Variants in KCNIP1 observed in about 807,000 individuals in gnomAD.
KCNIP1 encodes A-type potassium channel modulatory protein KCNIP1.
A neutral mutation model predicts 33.0 loss-of-function variants in KCNIP1; 18 were observed. The ratio of observed to expected loss-of-function variants is 0.55; its 90% CI spans 0.38 to 0.81. KCNIP1 has a LOEUF of 0.81. KCNIP1 is among the 30% of genes least tolerant of loss of function. KCNIP1 has a pLI of 0.00. For missense variants in KCNIP1, 238 were observed against 271.6 expected (o/e 0.88, Z 0.87); for synonymous variants, 93 against 98.3 (o/e 0.95, Z 0.32).
chr5:170,451,747 G>GTGTGTGTGTGTA (rs1756258187), intron 1 of KCNIP1, among the ~76,000 whole-genome samples: 1 of 151,126 alleles, frequency 6.6e-6, no homozygotes, highest in Non-Finnish European at 1.5e-5. Context: ...GTGTGTGTGT[G>GTGTGTGTGTGTA]TGTGTGTGTG....
At chr5:170,445,633 T>C (rs900927010) in intron 1 of KCNIP1, among the ~76,000 whole-genome samples, 19 of 152,206 alleles carry the variant, frequency 1.2e-4, no homozygotes, top group African/African-American at 4.6e-4. Flanking sequence ...GATGTGAACC[T>C]GAATGCTCGC....
chr5:170,574,054 G>A (rs560943316), intron 1 of KCNIP1, among the ~76,000 whole-genome samples: 1 of 152,326 alleles, frequency 6.6e-6, no homozygotes, highest in African/African-American at 2.4e-5. Flanking sequence ...GCACCAAATA[G>A]CTGGGTTTTT....
chr5:170,499,607 C>T (rs1444858648), upstream of KCNIP1, among the ~76,000 whole-genome samples: 1 of 152,176 alleles, frequency 6.6e-6, no homozygotes, highest in Non-Finnish European at 1.5e-5. Flanking sequence ...CTCTATGCTA[C>T]CTCTGTGCCT....
intron 1 of KCNIP1, among the ~76,000 whole-genome samples, chr5:170,536,882 G>A (rs1387900975): frequency 6.6e-6 from 1 of 152,218 alleles, no homozygotes; most frequent in Non-Finnish European, 1.5e-5. Flanking sequence ...CAGGATGGAA[G>A]CATGCATCTC....
At chr5:170,538,579 A>G (rs185775532) in intron 1 of KCNIP1, among the ~76,000 whole-genome samples, 23 of 151,544 alleles carry the variant, frequency 1.5e-4, no homozygotes, top group African/African-American at 4.8e-4. Flanking sequence ...CCCCACCTCC[A>G]TTCTTACCCA....
chr5:170,366,289 G>A (rs1763657744), intron 1 of KCNIP1, among the ~76,000 whole-genome samples: 1 of 152,196 alleles, frequency 6.6e-6, no homozygotes, highest in Non-Finnish European at 1.5e-5. Context: ...TTTGTATAGA[G>A]TCCACCGGGG....
At chr5:170,615,194 G>A (rs539623323) in intron 1 of KCNIP1, among the ~76,000 whole-genome samples, 78 of 152,232 alleles carry the variant, frequency 5.1e-4, no homozygotes, top group African/African-American at 1.6e-3. Flanking sequence ...CAGCCTGGGC[G>A]ACAGAGTGGG....
intron 1 of KCNIP1, among the ~76,000 whole-genome samples, chr5:170,398,074 G>C (rs1461823182): frequency 6.6e-6 from 1 of 152,174 alleles, no homozygotes; most frequent in Non-Finnish European, 1.5e-5. Flanking sequence ...TTTCTTATCA[G>C]ACTTAAGGTT....
chr5:170,504,283 C>T lies in KCNIP1; in HGVS notation c.-290C>T, dbSNP rs1165507544. ...CAGTGCCAGGCAGGCTTCAGGGCAC[C>T]GTCCTCGGCCCTGGGCGAGGGAACC... On this transcript the variant is annotated 5_prime_UTR_variant, in exon 1 of 8. Transcript: ENST00000328939. The surrounding 1 kb of genome is among the most constrained non-coding windows in gnomAD (Gnocchi z 6.0). The T allele has an allele frequency of 1.6e-6, 2 of 1,256,980 alleles. No homozygotes were observed. Among genetic ancestry groups the T allele is most frequent in the Admixed American group, 4.3e-5 (1 of 23,488 alleles). The allele number at this position is 1,256,980 out of a possible 1,614,324, so 77.9% of individuals were successfully genotyped here.
At chr5:170,371,034 AAC>A (rs1763829025) in intron 1 of KCNIP1, among the ~76,000 whole-genome samples, 2 of 152,318 alleles carry the variant, frequency 1.3e-5, no homozygotes, top group Middle Eastern at 6.8e-3. Context: ...ATGGTTTGGG[AAC>A]ACTTGTGAAA....
chr5:170,407,176 C>G (rs142509505), intron 1 of KCNIP1, among the ~76,000 whole-genome samples: 37 of 152,320 alleles, frequency 2.4e-4, no homozygotes, highest in South Asian at 1.2e-3. Context: ...TAACCATAGA[C>G]GAGTTAAGAG....
chr5:170,503,147 T>G (rs111789609), upstream of KCNIP1, among the ~76,000 whole-genome samples: 1,722 of 152,036 alleles, frequency 0.011, 25 homozygotes, highest in African/African-American at 0.039. Flanking sequence ...CTCAGCACTT[T>G]GGGAGGCCAA....
chr5:170,428,189 T>A (rs80021520), intron 1 of KCNIP1, among the ~76,000 whole-genome samples: 1,596 of 151,960 alleles, frequency 0.011, 31 homozygotes, highest in African/African-American at 0.036. Flanking sequence ...AATAAGGAGG[T>A]AAACTGGAAA....
intron 1 of KCNIP1, among the ~76,000 whole-genome samples, chr5:170,482,271 G>A (rs367789281): frequency 3.3e-5 from 5 of 152,090 alleles, no homozygotes; most frequent in East Asian, 3.8e-4. Flanking sequence ...CCCCAGCAGT[G>A]CCCATCTACC....
intron 1 of KCNIP1, among the ~76,000 whole-genome samples, chr5:170,689,118 T>C (rs1406005752): frequency 2.6e-5 from 4 of 152,146 alleles, no homozygotes; most frequent in Non-Finnish European, 2.9e-5. Context: ...TCCAGGAGAA[T>C]TAACACAGGA....
At position 170,472,243 on chromosome 5, in the gene KCNIP1, C is replaced by G. The variant is rs532695862; in HGVS notation, c.88+118279C>G. ...TCATCTCAGTCCAAACCAGACAGAG[C>G]CACTGTGAGATTCAGAAGAAAGCTC... On this transcript the variant is annotated intron_variant, in intron 1 of 7. Transcript: ENST00000377360. Among the ~76,000 whole-genome samples the G allele has an allele frequency of 3.8e-4, 58 of 152,250 alleles. 1 individual carries two copies. The South Asian group carries it at 0.012, about 31-fold the overall frequency.
rs144887249 is a variant in KCNIP1 at position 170,416,646 on chromosome 5, C to T, written c.88+62682C>T. On this transcript the variant is annotated intron_variant, in intron 1 of 7. Coordinates refer to the KCNIP1 transcript ENST00000377360. Reference sequence around the variant, plus strand: ...ATCTCCGGTGTAAGAAGACATTTGGCAATAGTAACAGCTAATTTTTTTTAA... The same window carrying T: ...ATCTCCGGTGTAAGAAGACATTTGGTAATAGTAACAGCTAATTTTTTTTAA... Among the ~76,000 whole-genome samples, 631 of 151,930 alleles carry T rather than the reference C, an allele frequency of 4.2e-3. 4 individuals are homozygous for T. Among genetic ancestry groups the T allele is most frequent in the African/African-American group, 0.014 (593 of 41,406 alleles).
intron 1 of KCNIP1, among the ~76,000 whole-genome samples, chr5:170,634,436 C>T (rs898784872): frequency 1.7e-4 from 26 of 152,218 alleles, no homozygotes; most frequent in African/African-American, 4.8e-4. Flanking sequence ...TTTCCAACAG[C>T]TTCCCAAGTG....
At chr5:170,428,958 T>C (rs116535083) in intron 1 of KCNIP1, among the ~76,000 whole-genome samples, 1,606 of 152,044 alleles carry the variant, frequency 0.011, 32 homozygotes, top group African/African-American at 0.036. Context: ...TACCACCCTT[T>C]CCCATCGTAT....
Sources: allele counts gnomAD v4.1 joint callset (sites outside exome capture counted in the v4.1 genomes callset), GRCh38; gene constraint gnomAD v4.1.1; non-coding constraint Gnocchi (gnomAD v3.1); transcripts MANE v1.5; gene names NCBI Gene and HGNC (gene_info 2026-07-23, HGNC 2026-07-21).